CAPN15: variants seen among roughly 807,000 people sequenced by gnomAD.
CAPN15 encodes the protein calpain-15.
A neutral mutation model predicts 97.9 loss-of-function variants in CAPN15; 53 were observed. The ratio of observed to expected loss-of-function variants is 0.54; its 90% CI spans 0.43 to 0.68. CAPN15 has a LOEUF of 0.68. CAPN15 is among the 30% of genes least tolerant of loss of function. CAPN15 has a pLI of 0.00. For missense variants in CAPN15, 1,592 were observed against 1,589.8 expected, an observed-to-expected ratio of 1.00 and a Z score of -0.02; for synonymous variants, 922 against 722.5, an observed-to-expected ratio of 1.28 and a Z score of -4.43.
rs1270652443 is a variant in CAPN15, at chr16:527,794, G to C, written c.-425G>C. ...GGGCCCGGGCCGGGCGCTACGCTAC[G>C]AAGGCAGCGTAAGGCGGGCGCCGGA... is the stretch of plus-strand genomic sequence containing the variant. On this transcript the variant is annotated 5_prime_UTR_variant, in exon 1 of 14. Transcript: ENST00000219611. 6.7e-6 allele frequency: 1 copy of C among 148,776 alleles called. No individual in the cohort carries two copies. The highest frequency in any genetic ancestry group is 2.4e-5 in the African/African-American group (1 of 40,928). The allele number at this position is 148,776 out of a possible 1,614,324, so 9.2% of individuals were successfully genotyped here.
At chr16:546,497 C>G (rs921802164) in intron 3 of CAPN15, among the ~76,000 whole-genome samples, 9 of 152,232 alleles carry the variant, frequency 5.9e-5, no homozygotes, top group African/African-American at 2.2e-4. Flanking sequence ...CCCCTGCTAT[C>G]TGCCGTCCAC....
Position 549,782 on chromosome 16 carries a change from G to C in CAPN15, c.2010G>C (p.Glu670Asp). Residue 670 changes from glutamate to aspartate, a missense_variant, in exon 7 of 14, where the codon GAG (glutamate) becomes GAC (aspartate). Glu to Asp is a conservative substitution (Grantham distance 45). Transcript: ENST00000219611. ...AGCTCAGCTCCACTAACCCCCGCGAGGAGCCCGTTGACACTGACCTCATCT... is the reference window on the plus strand; with the variant it reads ...AGCTCAGCTCCACTAACCCCCGCGACGAGCCCGTTGACACTGACCTCATCT... The part of the protein sequence containing the change: ...ALQLSSTNPR[E>D]EPVDTDLIWA... 1 of 1,592,696 alleles carries C rather than the reference G, an allele frequency of 6.3e-7. No homozygotes were observed. The highest frequency in any genetic ancestry group is 8.5e-7 in the Non-Finnish European group (1 of 1,169,716).
At position 552,739 on chromosome 16, in the gene CAPN15, C is replaced by G. The variant is rs1442592817; in HGVS notation, c.2872C>G (p.Leu958Val). The G allele has an allele frequency of 6.5e-7, 1 of 1,544,330 alleles. No individual in the cohort carries two copies. The highest frequency in any genetic ancestry group is 2.1e-4 in the Middle Eastern group (1 of 4,708). Residue 958 changes from leucine to valine, a missense_variant, in exon 12 of 14, where the codon CTG (leucine) becomes GTG (valine). By Grantham distance (32) the Leu-to-Val change is conservative. Coordinates refer to ENST00000219611, the MANE Select transcript of CAPN15 (RefSeq NM_005632.3). The surrounding 1 kb of genome is among the most constrained non-coding windows in gnomAD (Gnocchi z 6.4). ...GACCACGCTGGCCGACGCCATCATC[C>G]TGCTCACCGAGAGCCGCGGAGAGCG... ...QPTTLADAII[L>V]LTESRGERHE...
intron 6 of CAPN15, 26 bp downstream of exon 6, chr16:549,497 G>T: frequency 6.4e-7 from 1 of 1,560,018 alleles, no homozygotes; most frequent in Non-Finnish European, 8.6e-7. Flanking sequence ...GGGTGGGCAC[G>T]GGCGGCAGGG....
At chr16:549,526 C>T (rs1260064500) in intron 6 of CAPN15, 55 bp downstream of exon 6, 1 of 1,529,162 alleles carries the variant, frequency 6.5e-7, no homozygotes, top group Non-Finnish European at 8.8e-7. Context: ...TGACCCCAGC[C>T]CCGAAAACAA....
At chr16:543,697 C>T (rs1452015731) in intron 3 of CAPN15, among the ~76,000 whole-genome samples, 1 of 152,126 alleles carries the variant, frequency 6.6e-6, no homozygotes, top group African/African-American at 2.4e-5. Flanking sequence ...GAGCAGACTG[C>T]GGGAAGGCAG....
At chr16:537,301 G>A in intron 3 of CAPN15, 1 of 985,572 alleles carries the variant, frequency 1.0e-6, no homozygotes, top group Non-Finnish European at 1.2e-6. Context: ...GGAGGCTGGT[G>A]AGCAGCTCGC....
intron 1 of CAPN15, among the ~76,000 whole-genome samples, chr16:529,987 C>T (rs750234761): frequency 1.3e-5 from 2 of 152,230 alleles, no homozygotes; most frequent in African/African-American, 4.8e-5. Context: ...CCTCTGACCC[C>T]TGGCACAGCA....
At chr16:550,154 C>T (rs547289643) in intron 7 of CAPN15, among the ~76,000 whole-genome samples, 19 of 152,228 alleles carry the variant, frequency 1.2e-4, no homozygotes, top group African/African-American at 4.3e-4. Context: ...TGCCGTCATC[C>T]GCCTCGGGGC....
At chr16:544,588 G>A (rs756153480) in intron 3 of CAPN15, among the ~76,000 whole-genome samples, 11 of 152,198 alleles carry the variant, frequency 7.2e-5, no homozygotes, top group East Asian at 1.9e-4. Context: ...TGTCGGCAAC[G>A]CCCAGATAAC....
Position 545,350 on chromosome 16 carries a change from T to C in CAPN15, c.-22-1467T>C, listed in dbSNP as rs2034511548. On this transcript the variant is annotated intron_variant, in intron 3 of 13. Transcript: ENST00000219611. ...GCCGAGGTCTCCCACCGCTGACCCC[T>C]GACCCCTGGCCCCCTTCCACCTCGG... 2.6e-5 allele frequency among the ~76,000 whole-genome samples: 4 copies of C among 152,060 alleles called. No individual in the cohort carries two copies. The South Asian group carries it at 8.3e-4, about 32-fold the overall frequency.
rs2034012014 is a variant in CAPN15, at chr16:540,119, G to T, written c.-23+3977G>T. ...CGGCCGTCCTGTCTCTTCCCTCCAT[G>T]CTCCGCTTCGCCCGCTGCTGGCCAG... On this transcript the variant is annotated intron_variant, in intron 3 of 13. Transcript: ENST00000219611. 3.0e-6 allele frequency: 3 copies of T among 985,284 alleles called. No homozygotes were observed. In the Admixed American group the frequency reaches 1.8e-4, roughly 61 times the overall value. 61.0% of individuals were successfully genotyped at this position (985,284 alleles called of 1,614,324 possible). A position where few individuals can be genotyped will look rare whatever the true frequency, so the allele number is the denominator to read the frequency against.
chr16:529,972 C>T (rs2033133142), intron 1 of CAPN15, among the ~76,000 whole-genome samples: 1 of 152,210 alleles, frequency 6.6e-6, no homozygotes. Flanking sequence ...TCCCTCTGGT[C>T]CTGCCCTCTG....
Position 547,553 on chromosome 16 carries a change from C to T in CAPN15, c.715C>T (p.Leu239=), listed in dbSNP as rs1356132795. 6.3e-7 allele frequency: 1 copy of T among 1,596,128 alleles called. No homozygotes were observed. Among genetic ancestry groups the T allele is most frequent in the Non-Finnish European group, 8.5e-7 (1 of 1,177,738 alleles). The part of the protein sequence containing the change: ...VPPFSPFSST[L]QNNPVPRSRR... ...GCCCTTCAGCCCCTTCTCGTCCACC[C>T]TGCAGAACAACCCCGTGCCGCGCAG... The change falls in exon 4 of 14, where the codon CTG becomes TTG. Residue 239 remains leucine, a synonymous_variant. Transcript: ENST00000219611.
In CAPN15 at chr16:535,602, T is replaced by C. The variant is rs2033646069; in HGVS notation, c.-136-427T>C. ...GGGCGGGGAGCTGCACAGTTGGACTTGTGGGGGTCAGGCATGGATCCACAC... is the reference window on the plus strand; with the variant it reads ...GGGCGGGGAGCTGCACAGTTGGACTCGTGGGGGTCAGGCATGGATCCACAC... On this transcript the variant is annotated intron_variant, in intron 2 of 13. Coordinates refer to ENST00000219611, the MANE Select transcript of CAPN15 (RefSeq NM_005632.3). The surrounding 1 kb of genome is among the most constrained non-coding windows in gnomAD (Gnocchi z 6.2). 6.6e-6 allele frequency among the ~76,000 whole-genome samples: 1 copy of C among 151,886 alleles called. No individual in the cohort carries two copies. Among genetic ancestry groups the C allele is most frequent in the African/African-American group, 2.4e-5 (1 of 41,296 alleles).
rs2034726028 is a variant in CAPN15, at chr16:548,065, G to A, written c.1227G>A (p.Leu409=). 2 of 1,541,838 alleles carry A rather than the reference G, an allele frequency of 1.3e-6. No individual in the cohort carries two copies. Among genetic ancestry groups the A allele is most frequent in the East Asian group, 2.4e-5 (1 of 41,192 alleles). Residue 409 remains leucine (L), a synonymous_variant, in exon 4 of 14, where the codon CTG becomes CTA. Coordinates refer to ENST00000219611, the MANE Select transcript of CAPN15 (RefSeq NM_005632.3). The part of the protein sequence containing the change: ...VSSAQKAARV[L]PERPGQWACP... Reference sequence around the variant, plus strand: ...CGGCCCAGAAGGCCGCCCGCGTCCTGCCCGAGCGCCCGGGCCAGTGGGCCT... The same window carrying A: ...CGGCCCAGAAGGCCGCCCGCGTCCTACCCGAGCGCCCGGGCCAGTGGGCCT...
intron 1 of CAPN15, among the ~76,000 whole-genome samples, chr16:529,745 T>C (rs937313064): frequency 1.3e-5 from 2 of 152,080 alleles, no homozygotes; most frequent in Non-Finnish European, 2.9e-5. Flanking sequence ...ACAAAACAGC[T>C]TGGGGTCTTT....
rs751550575 is a variant in CAPN15 at position 552,991 on chromosome 16, G to A, written c.3033G>A (p.Val1011=). 24 of 1,610,912 alleles carry A rather than the reference G, an allele frequency of 1.5e-5. No individual in the cohort carries two copies. In the Admixed American group the frequency reaches 2.7e-4, roughly 18 times the overall value. ...QCDCTDSFNV[V]STRGSLRTQD... ...ACTGCACCGACAGCTTCAACGTGGT[G>A]TCCACACGCGGCAGCCTGCGTACCC... The change falls in exon 13 of 14, where the codon GTG becomes GTA. Residue 1011 remains valine (V), a synonymous_variant. Coordinates refer to ENST00000219611, the MANE Select transcript of CAPN15 (RefSeq NM_005632.3). This position sits in a 1 kb window ranked among gnomAD's most constrained non-coding sequence, Gnocchi z 6.4.
intron 3 of CAPN15, among the ~76,000 whole-genome samples, chr16:545,547 A>G (rs552523020): frequency 6.6e-6 from 1 of 152,356 alleles, no homozygotes; most frequent in South Asian, 2.1e-4. Flanking sequence ...TGAAGTGCAG[A>G]CGTCTTCCTG....
Sources: gnomAD v4.1 joint callset for allele counts (sites outside exome capture counted in the v4.1 genomes callset) on GRCh38, gnomAD v4.1.1 for gene constraint, Gnocchi (gnomAD v3.1) non-coding constraint, MANE v1.5 for transcripts, NCBI Gene and HGNC (gene_info 2026-07-23, HGNC 2026-07-21) for gene names.